ANKRD62: variants seen among roughly 807,000 people sequenced by gnomAD.
ANKRD62 encodes ankyrin repeat domain 62.
A neutral mutation model predicts 98.8 loss-of-function variants in ANKRD62; 61 were observed. The observed-to-expected ratio is 0.62, with a 90% CI of 0.50 to 0.76. The LOEUF (loss-of-function observed/expected upper bound fraction) is 0.76. ANKRD62 is among the 30% of genes least tolerant of loss of function. The pLI, the probability that ANKRD62 is intolerant of heterozygous loss-of-function variation, is 0.00. For missense variants in ANKRD62, 933 were observed against 1,082.9 expected (o/e 0.86, Z 1.94); for synonymous variants, 341 against 367.9 (o/e 0.93, Z 0.84).
At chr18:12,155,354 A>C in the ANKRD62 span, among the ~76,000 whole-genome samples, 67 of 152,360 alleles carry the variant, frequency 4.4e-4, no homozygotes, top group Non-Finnish European at 7.3e-5. Flanking sequence ...GCATGGTGCC[A>C]GGAACTTGCA....
chr18:12,168,492 A>T, the ANKRD62 span, among the ~76,000 whole-genome samples: 1 of 152,134 alleles, frequency 6.6e-6, no homozygotes, highest in East Asian at 1.9e-4. Flanking sequence ...CCATTGATCT[A>T]TATCTCTGTT....
chr18:12,139,992 T>C, the ANKRD62 span, among the ~76,000 whole-genome samples: 2 of 152,226 alleles, frequency 1.3e-5, no homozygotes, highest in Admixed American at 6.5e-5. Flanking sequence ...ACCAATGATA[T>C]GTAGATTTGG....
At chr18:12,101,878 C>T in intron 6 of ANKRD62, 1 of 663,268 alleles carries the variant, frequency 1.5e-6, no homozygotes, top group Non-Finnish European at 2.8e-6. Flanking sequence ...GAGAAGAAGG[C>T]TGTCCACCAA....
chr18:12,119,697 G>T (rs1180841222), intron 10 of ANKRD62, among the ~76,000 whole-genome samples: 2 of 151,992 alleles, frequency 1.3e-5, no homozygotes, highest in Admixed American at 6.6e-5. Flanking sequence ...ACCACAGCAG[G>T]TGGTTTTGTT....
chr18:12,138,170 C>CT, the ANKRD62 span, among the ~76,000 whole-genome samples: 1 of 152,080 alleles, frequency 6.6e-6, no homozygotes, highest in Admixed American at 6.6e-5. Flanking sequence ...CCTGCTTTCT[C>CT]TTGTGGGCAT....
chr18:12,125,404 AT>A (rs1219275217), intron 12 of ANKRD62, 55 bp from the exon 13 acceptor site: 41 of 1,368,150 alleles, frequency 3.0e-5, no homozygotes, highest in Admixed American at 2.5e-4. Flanking sequence ...TTCAGAAGAA[AT>A]CATAATATGT....
Position 12,127,784 on chromosome 18 carries a change from G to A in ANKRD62, c.2599G>A (p.Ala867Thr). The part of the protein sequence containing the change: ...RRQLQREVDD[A>T]LNKQLLLEAM... Reference sequence around the variant, plus strand: ...ACAGCTTCAACGAGAAGTGGATGATGCCCTGAACAAACAATTGCTGTTAGA... The same window carrying A: ...ACAGCTTCAACGAGAAGTGGATGATACCCTGAACAAACAATTGCTGTTAGA... Residue 867 changes from alanine (A) to threonine (T), a missense_variant, in exon 14 of 14, where the codon GCC becomes ACC. By Grantham distance (58) the Ala-to-Thr change is moderately conservative. Coordinates refer to ENST00000587848, the MANE Select transcript of ANKRD62 (RefSeq NM_001277333.2). 6.7e-7 allele frequency: 1 copy of A among 1,482,254 alleles called. No individual in the cohort carries two copies. The highest frequency in any genetic ancestry group is 8.9e-7 in the Non-Finnish European group (1 of 1,123,164). 91.8% of individuals were successfully genotyped at this position (1,482,254 alleles called of 1,614,324 possible). A position where few individuals can be genotyped will look rare whatever the true frequency, so the allele number is the denominator to read the frequency against.
chr18:12,097,869 G>T (rs1042176342), intron 5 of ANKRD62, 92 bp downstream of exon 5: 26 of 1,449,102 alleles, frequency 1.8e-5, no homozygotes, highest in Non-Finnish European at 2.2e-5. Context: ...TTCATAGTTT[G>T]GTTCAGGTAG....
the ANKRD62 span, among the ~76,000 whole-genome samples, chr18:12,156,281 G>A: frequency 5.3e-5 from 8 of 152,134 alleles, no homozygotes; most frequent in East Asian, 1.2e-3. Context: ...CCAATCTCAG[G>A]TATTTTTCTG....
intron 3 of ANKRD62, 32 bp from the exon 4 acceptor site, chr18:12,096,164 G>T (rs957719443): frequency 7.2e-7 from 1 of 1,381,762 alleles, no homozygotes. Flanking sequence ...ATGTAATTTT[G>T]TGAATTATAA....
the ANKRD62 span, among the ~76,000 whole-genome samples, chr18:12,140,922 C>CT: frequency 2.0e-5 from 3 of 152,212 alleles, no homozygotes; most frequent in Admixed American, 6.5e-5. Context: ...TTATTGCTGT[C>CT]TTTTTTTTGT....
chr18:12,115,247 AG>A, intron 9 of ANKRD62, 126 bp downstream of exon 9: 1 of 1,281,504 alleles, frequency 7.8e-7, no homozygotes, highest in Non-Finnish European at 1.0e-6. Context: ...CATTCATAAA[AG>A]CACCCTTTTA....
At chr18:12,110,669 G>T (rs1010066510) in intron 8 of ANKRD62, among the ~76,000 whole-genome samples, 1 of 151,926 alleles carries the variant, frequency 6.6e-6, no homozygotes, top group African/African-American at 2.4e-5. Context: ...CACTCTCACC[G>T]CTCCTCCAAA....
chr18:12,156,997 G>C, the ANKRD62 span, among the ~76,000 whole-genome samples: 7 of 152,010 alleles, frequency 4.6e-5, no homozygotes, highest in Admixed American at 4.6e-4. Flanking sequence ...ATCTCACTAT[G>C]TTGCCCAGGC....
chr18:12,098,395 T>C (rs1345286901), intron 5 of ANKRD62: 2 of 152,278 alleles, frequency 1.3e-5, no homozygotes, highest in African/African-American at 2.4e-5. Context: ...CATCCATGAC[T>C]GATCAGCATC....
the ANKRD62 span, among the ~76,000 whole-genome samples, chr18:12,137,412 T>C: frequency 6.6e-6 from 1 of 152,212 alleles, no homozygotes; most frequent in Non-Finnish European, 1.5e-5. Flanking sequence ...TTGATCATGG[T>C]GGATAAGCTT....
intron 7 of ANKRD62, among the ~76,000 whole-genome samples, chr18:12,103,452 G>C (rs1909349935): frequency 6.6e-6 from 1 of 152,060 alleles, no homozygotes; most frequent in Admixed American, 6.5e-5. Flanking sequence ...CCTGAGTATT[G>C]TTTGCTGTTC....
intron 8 of ANKRD62, among the ~76,000 whole-genome samples, chr18:12,114,691 T>TTA (rs1568062806): frequency 6.6e-6 from 1 of 152,170 alleles, no homozygotes; most frequent in Non-Finnish European, 1.5e-5. Flanking sequence ...AAAAAGGGAT[T>TTA]CTGTTACACA....
chr18:12,123,141 G>A (rs76071454), intron 11 of ANKRD62, among the ~76,000 whole-genome samples: 2,001 of 152,108 alleles, frequency 0.013, 53 homozygotes, highest in African/African-American at 0.046. Flanking sequence ...CTCTGCTTCC[G>A]GGTTCAAGCA....
Sources: allele counts gnomAD v4.1 joint callset (sites outside exome capture counted in the v4.1 genomes callset), GRCh38; gene constraint gnomAD v4.1.1; transcripts MANE v1.5; gene names NCBI Gene and HGNC (gene_info 2026-07-23, HGNC 2026-07-21).